The following GRPEL1 variants were observed in gnomAD, a reference collection of about 807,000 sequenced individuals.
The protein encoded by GRPEL1 is grpE protein homolog 1, mitochondrial.
A neutral mutation model predicts 22.1 loss-of-function variants in GRPEL1; 13 were observed. The observed-to-expected ratio is 0.59, with a 90% CI of 0.38 to 0.94. GRPEL1 has a LOEUF of 0.94. Ranked by LOEUF, GRPEL1 falls within the 40% of genes least tolerant of loss-of-function variation. The pLI, the probability that GRPEL1 is intolerant of heterozygous loss-of-function variation, is 0.00. For synonymous variants in GRPEL1, 109 were observed against 105.3 expected (o/e 1.03, Z -0.21); for missense variants, 289 against 264.6 (o/e 1.09, Z -0.64).
chr4:7,060,415 ACT>A lies in GRPEL1; in HGVS notation c.*445_*446del, dbSNP rs142602808. 968 of 158,494 alleles carry A rather than the reference ACT, an allele frequency of 6.1e-3. 15 individuals are homozygous for A. Among genetic ancestry groups the A allele is most frequent in the African/African-American group, 0.022 (916 of 41,650 alleles). 9.8% of individuals were successfully genotyped at this position (158,494 alleles called of 1,614,324 possible). ...TTTTTTAAGTAAGAAAAATGTTTCA[ACT>A]CTCTTGCCTTTCCTTCAGCGAATGA... On this transcript the variant is annotated 3_prime_UTR_variant, in exon 4 of 4. Transcript: ENST00000264954.
At chr4:7,063,002 T>G (rs767825388) in intron 2 of GRPEL1, among the ~76,000 whole-genome samples, 7 of 152,174 alleles carry the variant, frequency 4.6e-5, no homozygotes, top group Non-Finnish European at 1.0e-4. Flanking sequence ...TACCCAGAGG[T>G]GGCTCAGTTC....
Position 7,061,022 on chromosome 4 carries a change from G to A in GRPEL1, c.494C>T (p.Pro165Leu). The A allele has an allele frequency of 1.2e-6, 2 of 1,614,194 alleles. No homozygotes were observed. The highest frequency in any genetic ancestry group is 1.7e-6 in the Non-Finnish European group (2 of 1,180,038). The change falls in exon 4 of 4, where the codon CCT (proline) becomes CTT (leucine). Residue 165 changes from proline to leucine, a missense_variant. Physicochemically the swap from Pro to Leu is moderately conservative, Grantham distance 98. Transcript: ENST00000264954. ...ATAAGGGTCGAACTTGGCTCCGACAGGGTTCAACTTGAGCAAGCCATGCTT... is the reference window on the plus strand; with the variant it reads ...ATAAGGGTCGAACTTGGCTCCGACAAGGTTCAACTTGAGCAAGCCATGCTT... Reference protein sequence around the residue: ...FTKHGLLKLNPVGAKFDPYEH... With the variant: ...FTKHGLLKLNLVGAKFDPYEH...
At chr4:7,067,757 G>A (rs1405417822) in intron 1 of GRPEL1, among the ~76,000 whole-genome samples, 3 of 152,208 alleles carry the variant, frequency 2.0e-5, no homozygotes, top group Non-Finnish European at 4.4e-5. Context: ...CACGGCGCCC[G>A]CCCGCTCCAC....
chr4:7,066,504 T>A (rs1724171633), intron 1 of GRPEL1, among the ~76,000 whole-genome samples: 2 of 152,126 alleles, frequency 1.3e-5, no homozygotes, highest in African/African-American at 2.4e-5. Context: ...AGAAGTGGAG[T>A]GGAAGCCTCC....
At chr4:7,063,094 G>A (rs1328880445) in intron 2 of GRPEL1, among the ~76,000 whole-genome samples, 1 of 149,016 alleles carries the variant, frequency 6.7e-6, no homozygotes, top group Non-Finnish European at 1.5e-5. Flanking sequence ...ACTCATCTGA[G>A]CCTTTTTTTT....
chr4:7,065,662 G>C (rs1241304061), intron 1 of GRPEL1, among the ~76,000 whole-genome samples: 1 of 152,166 alleles, frequency 6.6e-6, no homozygotes, highest in Admixed American at 6.5e-5. Flanking sequence ...AAAGGGATCA[G>C]AGGTGGGACA....
Position 7,067,973 on chromosome 4 carries a change from G to A in GRPEL1, c.60C>T (p.Leu20=). The change falls in exon 1 of 4, where the codon CTC becomes CTT. Residue 20 remains leucine, a splice_region_variant and synonymous_variant. Coordinates refer to ENST00000264954, the MANE Select transcript of GRPEL1 (RefSeq NM_025196.4). ...CAGGGAGACCAAGTGCCCCTTACCT[G>A]AGAGACAACGCCAAAGCAGGAAGAC... is the stretch of plus-strand genomic sequence containing the variant. The part of the protein sequence containing the change: ...RRSLPALALS[L]RPSPRLLCTA... 2 of 1,613,498 alleles carry A rather than the reference G, an allele frequency of 1.2e-6. No homozygotes were observed. Among genetic ancestry groups the A allele is most frequent in the African/African-American group, 1.3e-5 (1 of 75,052 alleles).
In GRPEL1 at chr4:7,067,990, C is replaced by T; in HGVS notation, c.43G>A (p.Ala15Thr). Residue 15 changes from alanine to threonine, a missense_variant, in exon 1 of 4, where the codon GCT becomes ACT. Physicochemically the swap from Ala to Thr is moderately conservative, Grantham distance 58. Coordinates refer to ENST00000264954, the MANE Select transcript of GRPEL1 (RefSeq NM_025196.4). ...CVRLARRSLP[A>T]LALSLRPSPR... ...CCTTACCTGAGAGACAACGCCAAAG[C>T]AGGAAGACTGCGCCGCGCCAACCTC... is the stretch of plus-strand genomic sequence containing the variant. 1 of 1,613,498 alleles carries T rather than the reference C, an allele frequency of 6.2e-7. No homozygotes were observed. The highest frequency in any genetic ancestry group is 8.5e-7 in the Non-Finnish European group (1 of 1,179,930).
intron 1 of GRPEL1, chr4:7,067,657 G>C (rs1724203603): frequency 2.4e-6 from 1 of 419,956 alleles, no homozygotes; most frequent in Admixed American, 4.6e-5. Context: ...TGCGCGCGAG[G>C]CGTCGCCGCA....
chr4:7,066,498 G>GT (rs1724171565), intron 1 of GRPEL1, among the ~76,000 whole-genome samples: 2 of 152,334 alleles, frequency 1.3e-5, no homozygotes, highest in East Asian at 3.9e-4. Context: ...GTGGAAAGAA[G>GT]TGGAGTGGAA....
chr4:7,060,827 A>G lies in GRPEL1; in HGVS notation c.*35T>C. On this transcript the variant is annotated 3_prime_UTR_variant, in exon 4 of 4. Coordinates refer to ENST00000264954, the MANE Select transcript of GRPEL1 (RefSeq NM_025196.4). ...TGAACCAGCCTTGAGAGTTACATCA[A>G]GTGAGTTTAAAAACACCCACCCCAT... 1 of 1,531,968 alleles carries G rather than the reference A, an allele frequency of 6.5e-7. No individual in the cohort carries two copies. The highest frequency in any genetic ancestry group is 1.4e-5 in the African/African-American group (1 of 73,090). The allele number at this position is 1,531,968 out of a possible 1,614,324, so 94.9% of individuals were successfully genotyped here.
Position 7,060,702 on chromosome 4 carries a change from A to G in GRPEL1, c.*160T>C, listed in dbSNP as rs903128111. The G allele has an allele frequency of 1.6e-5, 11 of 677,638 alleles. No homozygotes were observed. In the African/African-American group the frequency reaches 1.8e-4, roughly 11 times the overall value. The allele number at this position is 677,638 out of a possible 1,614,324, so 42.0% of individuals were successfully genotyped here. On this transcript the variant is annotated 3_prime_UTR_variant, in exon 4 of 4. Transcript: ENST00000264954. ...ACAGACTCCCGAATTAGAGTTCATT[A>G]ATGCAGTTGGGCAACCGGCTTTTCT...
chr4:7,058,991 G>C lies in GRPEL1; in HGVS notation c.*1871C>G, dbSNP rs1259817032. 1 of 152,206 alleles carries C rather than the reference G, an allele frequency of 6.6e-6. No individual in the cohort carries two copies. The highest frequency in any genetic ancestry group is 2.4e-5 in the African/African-American group (1 of 41,450). The allele number at this position is 152,206 out of a possible 1,614,324, so 9.4% of individuals were successfully genotyped here. A position where few individuals can be genotyped will look rare whatever the true frequency, so the allele number is the denominator to read the frequency against. On this transcript the variant is annotated 3_prime_UTR_variant, in exon 4 of 4. Coordinates refer to ENST00000264954, the MANE Select transcript of GRPEL1 (RefSeq NM_025196.4). ...GCCTACAGTATCAGTACAGTAACGT[G>C]CCCTCCAGTCTAGAGCAACAGGCTA...
Position 7,064,051 on chromosome 4 carries a change from C to G in GRPEL1, c.225+10G>C. On this transcript the variant is annotated intron_variant, in intron 2 of 3. Coordinates refer to ENST00000264954, the MANE Select transcript of GRPEL1 (RefSeq NM_025196.4). ...CGAGCCCGCCCCCACAGGAGCCTCA[C>G]AGTCCTCACCACAGTCTCCTTCAGC... 6.2e-7 allele frequency: 1 copy of G among 1,612,500 alleles called. No individual in the cohort carries two copies. The highest frequency in any genetic ancestry group is 8.5e-7 in the Non-Finnish European group (1 of 1,179,142).
At chr4:7,066,455 G>C (rs1218728628) in intron 1 of GRPEL1, among the ~76,000 whole-genome samples, 1 of 152,200 alleles carries the variant, frequency 6.6e-6, no homozygotes, top group Non-Finnish European at 1.5e-5. Context: ...AGACAAACTA[G>C]AAATCCTGTG....
At chr4:7,065,674 T>C (rs994486310) in intron 1 of GRPEL1, among the ~76,000 whole-genome samples, 1 of 151,666 alleles carries the variant, frequency 6.6e-6, no homozygotes, top group Non-Finnish European at 1.5e-5. Context: ...GGTGGGACAA[T>C]GGGATAGATG....
rs1723996275 is a variant in GRPEL1, at chr4:7,059,888, C to T, written c.*974G>A. 1 of 152,154 alleles carries T rather than the reference C, an allele frequency of 6.6e-6. No homozygotes were observed. Among genetic ancestry groups the T allele is most frequent in the East Asian group, 1.9e-4 (1 of 5,182 alleles). 9.4% of individuals were successfully genotyped at this position (152,154 alleles called of 1,614,324 possible). On this transcript the variant is annotated 3_prime_UTR_variant, in exon 4 of 4. Coordinates refer to ENST00000264954, the MANE Select transcript of GRPEL1 (RefSeq NM_025196.4). Reference sequence around the variant, plus strand: ...CTGCAGCTGCACTGGGGGAGTGTGGCTCTCCCTTTCTGTGTAGAAGCCTGT... The same window carrying T: ...CTGCAGCTGCACTGGGGGAGTGTGGTTCTCCCTTTCTGTGTAGAAGCCTGT...
chr4:7,067,638 G>C (rs1436354278), intron 1 of GRPEL1: 2 of 397,486 alleles, frequency 5.0e-6, no homozygotes, highest in Non-Finnish European at 9.0e-6. Context: ...TGAGCGCCGA[G>C]ACCGTGAATG....
chr4:7,061,357 A>G (rs1288378616), intron 3 of GRPEL1, 149 bp from the exon 4 acceptor site: 1 of 617,082 alleles, frequency 1.6e-6, no homozygotes, highest in Non-Finnish European at 2.8e-6. Context: ...ACTTTAAAAA[A>G]CAACACAAAA....
Sources: gnomAD v4.1 joint callset for allele counts (sites outside exome capture counted in the v4.1 genomes callset) on GRCh38, gnomAD v4.1.1 for gene constraint, MANE v1.5 for transcripts, NCBI Gene and HGNC (gene_info 2026-07-23, HGNC 2026-07-21) for gene names.